NKAIN1: variants seen among roughly 807,000 people sequenced by gnomAD.
NKAIN1 encodes the protein sodium/potassium transporting ATPase interacting 1, also known as sodium/potassium-transporting ATPase subunit beta-1-interacting protein 1.
Under a neutral mutation model 31.6 loss-of-function variants are expected in NKAIN1, and 13 were observed. The ratio of observed to expected loss-of-function variants is 0.41; its 90% CI spans 0.27 to 0.65. NKAIN1 has a LOEUF of 0.65. Ranked by LOEUF, NKAIN1 falls within the 30% of genes least tolerant of loss-of-function variation. The pLI is 0.30. For missense variants in NKAIN1, 193 were observed against 262.2 expected (o/e 0.74, Z 1.82); for synonymous variants, 104 against 109.0 (o/e 0.95, Z 0.28).
At chr1:31,214,791 G>C (rs1051351876) in intron 1 of NKAIN1, among the ~76,000 whole-genome samples, 1 of 152,240 alleles carries the variant, frequency 6.6e-6, no homozygotes, top group South Asian at 2.1e-4. Context: ...GAGGGAGATG[G>C]ACATAATAGC....
chr1:31,212,307 T>C (rs1331860183), intron 1 of NKAIN1, among the ~76,000 whole-genome samples: 1 of 152,062 alleles, frequency 6.6e-6, no homozygotes, highest in East Asian at 1.9e-4. Context: ...TAACTGAAAA[T>C]GGGTCAAAAA....
chr1:31,187,968 C>G, intron 2 of NKAIN1, 82 bp downstream of exon 2: 1 of 1,438,908 alleles, frequency 6.9e-7, no homozygotes, highest in Non-Finnish European at 9.3e-7. Flanking sequence ...GGGGGCAGTT[C>G]TGGTTTTGAG....
chr1:31,229,429 C>T (rs1645630139), intron 1 of NKAIN1, among the ~76,000 whole-genome samples: 1 of 152,174 alleles, frequency 6.6e-6, no homozygotes. Flanking sequence ...GGCTGTAGTG[C>T]AGTGGTACAA....
intron 1 of NKAIN1, among the ~76,000 whole-genome samples, chr1:31,202,423 T>A (rs10914317): frequency 0.75 from 114,288 of 152,104 alleles, 43,421 homozygotes; most frequent in Middle Eastern, 0.9. Context: ...CATCTCTGTA[T>A]TCCCAGCACT....
chr1:31,187,463 A>G (rs1289644529), intron 2 of NKAIN1, among the ~76,000 whole-genome samples: 1 of 152,150 alleles, frequency 6.6e-6, no homozygotes, highest in East Asian at 1.9e-4. Context: ...CTGCTCCAGA[A>G]CACATCCTTG....
At chr1:31,203,351 GCC>G (rs756780318) in intron 1 of NKAIN1, among the ~76,000 whole-genome samples, 84,287 of 151,898 alleles carry the variant, frequency 0.55, 27,818 homozygotes, top group Middle Eastern at 0.83. Context: ...CAATGACAGT[GCC>G]TCCACACGAT....
intron 1 of NKAIN1, among the ~76,000 whole-genome samples, chr1:31,226,487 A>G (rs1216705889): frequency 6.6e-6 from 1 of 151,112 alleles, no homozygotes; most frequent in East Asian, 1.9e-4. Flanking sequence ...AGATGGGGAT[A>G]TCGGGGCTCC....
intron 1 of NKAIN1, among the ~76,000 whole-genome samples, chr1:31,208,767 A>C (rs4949198): frequency 0.56 from 84,436 of 151,950 alleles, 27,884 homozygotes; most frequent in Middle Eastern, 0.83. Flanking sequence ...CGTTACACAA[A>C]CCTCCTGACT....
At chr1:31,204,634 A>G (rs1411535710) in intron 1 of NKAIN1, among the ~76,000 whole-genome samples, 2 of 152,242 alleles carry the variant, frequency 1.3e-5, no homozygotes, top group Non-Finnish European at 2.9e-5. Context: ...AGGCTCTCCC[A>G]GGAGACGCCG....
chr1:31,227,704 G>A (rs1489483733), intron 1 of NKAIN1, among the ~76,000 whole-genome samples: 1 of 152,222 alleles, frequency 6.6e-6, no homozygotes, highest in Non-Finnish European at 1.5e-5. Context: ...TGAACCTGGT[G>A]TAGGCAGGAC....
rs1220414982 is a variant in NKAIN1 at position 31,182,564 on chromosome 1, G to A, written c.498C>T (p.Tyr166=). The change falls in exon 5 of 7, where the codon TAC becomes TAT. Residue 166 remains tyrosine (Y), a synonymous_variant. Transcript: ENST00000373736. ...LALFGFVFAC[Y]VSKVFLEEED... ...CCTCCTCCAGGAACACTTTGCTCAC[G>A]TAGCAGGCGAACACGAAGCCGAACA... 1.8e-5 allele frequency: 29 copies of A among 1,614,156 alleles called. No individual in the cohort carries two copies. Among genetic ancestry groups the A allele is most frequent in the Non-Finnish European group, 2.4e-5 (28 of 1,180,004 alleles).
intron 2 of NKAIN1, among the ~76,000 whole-genome samples, chr1:31,187,313 G>A (rs1296929142): frequency 6.6e-6 from 1 of 152,192 alleles, no homozygotes; most frequent in East Asian, 1.9e-4. Context: ...CAGGGAATAT[G>A]GGTGAATCTA....
intron 1 of NKAIN1, among the ~76,000 whole-genome samples, chr1:31,192,192 G>A (rs1645290896): frequency 6.6e-6 from 1 of 152,184 alleles, no homozygotes; most frequent in African/African-American, 2.4e-5. Flanking sequence ...TTGACATGGA[G>A]TGGGGGCTGT....
intron 2 of NKAIN1, among the ~76,000 whole-genome samples, chr1:31,185,840 G>A (rs1416494617): frequency 6.6e-6 from 1 of 152,138 alleles, no homozygotes; most frequent in East Asian, 1.9e-4. Context: ...CATGTTCCAG[G>A]TGGTAAGCCA....
Position 31,233,953 on chromosome 1 carries a change from T to G in NKAIN1, c.54+5541A>C, listed in dbSNP as rs1234791077. Reference sequence around the variant, plus strand: ...TCCCAGATGTAGTGCTCCTAGCCCCTGTGCCAGATCTCAGCGAAGCTGCCA... The same window carrying G: ...TCCCAGATGTAGTGCTCCTAGCCCCGGTGCCAGATCTCAGCGAAGCTGCCA... On this transcript the variant is annotated intron_variant, in intron 1 of 6. Transcript: ENST00000373736. This position sits in a 1 kb window ranked among gnomAD's most constrained non-coding sequence, Gnocchi z 4.0. 6.6e-6 allele frequency among the ~76,000 whole-genome samples: 1 copy of G among 152,236 alleles called. No individual in the cohort carries two copies. The highest frequency in any genetic ancestry group is 1.5e-5 in the Non-Finnish European group (1 of 68,034).
At chr1:31,188,260 G>A (rs534797336) in intron 1 of NKAIN1, 73 bp from the exon 2 acceptor site, 2 of 1,492,628 alleles carry the variant, frequency 1.3e-6, no homozygotes, top group African/African-American at 2.8e-5. Context: ...CTTGACCTTG[G>A]GGAGCAGGTG....
intron 1 of NKAIN1, among the ~76,000 whole-genome samples, chr1:31,231,889 C>T (rs1645652520): frequency 6.6e-6 from 1 of 151,136 alleles, no homozygotes; most frequent in African/African-American, 2.4e-5. Flanking sequence ...AAGTTTGTCT[C>T]TCTGTGCCTG....
chr1:31,227,509 G>C (rs1158137450), intron 1 of NKAIN1, among the ~76,000 whole-genome samples: 1 of 152,198 alleles, frequency 6.6e-6, no homozygotes, highest in African/African-American at 2.4e-5. Context: ...AGCCACTCCA[G>C]GTAAAGCAGT....
At chr1:31,203,720 G>A (rs1313803865) in intron 1 of NKAIN1, among the ~76,000 whole-genome samples, 1 of 151,802 alleles carries the variant, frequency 6.6e-6, no homozygotes, top group Non-Finnish European at 1.5e-5. Flanking sequence ...GAGTAGCTGG[G>A]ATTACAGGCA....
Sources: allele counts gnomAD v4.1 joint callset (sites outside exome capture counted in the v4.1 genomes callset), GRCh38; gene constraint gnomAD v4.1.1; non-coding constraint Gnocchi (gnomAD v3.1); transcripts MANE v1.5; gene names NCBI Gene and HGNC (gene_info 2026-07-23, HGNC 2026-07-21).